CLTCL1: variants seen among roughly 807,000 people sequenced by gnomAD.
CLTCL1 encodes the protein clathrin heavy chain like 1.
CLTCL1 carries 159 observed loss-of-function variants against 190.0 expected under a neutral mutation model. The observed-to-expected ratio is 0.84, with a 90% CI of 0.74 to 0.95. The LOEUF is 0.95. CLTCL1 is among the 40% of genes least tolerant of loss of function. The pLI is 0.00. For synonymous variants in CLTCL1, 752 were observed against 769.6 expected, an observed-to-expected ratio of 0.98 and a Z score of 0.38; for missense variants, 1,878 against 2,033.4, an observed-to-expected ratio of 0.92 and a Z score of 1.47.
rs1045039240 is a variant in CLTCL1, at chr22:19,207,472, C to T, written c.3600+682G>A. ...GTATAGCCAAGAGCATGTCAAAATT[C>T]CATGGGTCTCAATTTCCATACCAAT... On this transcript the variant is annotated intron_variant, in intron 22 of 32. Transcript: ENST00000427926. 23 of 400,436 alleles carry T rather than the reference C, an allele frequency of 5.7e-5. No individual in the cohort carries two copies. The Admixed American group carries it at 9.9e-4, about 17-fold the overall frequency. 24.8% of individuals were successfully genotyped at this position (400,436 alleles called of 1,614,324 possible).
rs1555944977 is a variant in CLTCL1 at position 19,209,085 on chromosome 22, G to C, written c.3279C>G (p.Asp1093Glu). The C allele has an allele frequency of 6.2e-7, 1 of 1,607,196 alleles. No individual in the cohort carries two copies. Among genetic ancestry groups the C allele is most frequent in the Non-Finnish European group, 8.5e-7 (1 of 1,176,594 alleles). ...QVLIEHIGNL[D>E]RAYEFAERCN... ...ATCTCTCCGCAAACTCATATGCCCGGTCCAGGTTTCCAATGTGCTCGATCA... is the reference window on the plus strand; with the variant it reads ...ATCTCTCCGCAAACTCATATGCCCGCTCCAGGTTTCCAATGTGCTCGATCA... Residue 1093 changes from aspartate (D) to glutamate (E), a missense_variant, in exon 21 of 33, where the codon GAC becomes GAG. Coordinates refer to ENST00000427926, the MANE Select transcript of CLTCL1 (RefSeq NM_007098.4).
At chr22:19,196,887 T>G (rs2084727814) in intron 24 of CLTCL1, among the ~76,000 whole-genome samples, 1 of 152,146 alleles carries the variant, frequency 6.6e-6, no homozygotes, top group African/African-American at 2.4e-5. Flanking sequence ...ATTTTCAAGT[T>G]TAGTAAGTGC....
intron 3 of CLTCL1, among the ~76,000 whole-genome samples, chr22:19,246,486 T>C (rs1443675957): frequency 1.3e-5 from 2 of 151,832 alleles, no homozygotes; most frequent in Admixed American, 6.6e-5. Flanking sequence ...TTTTCTTTTC[T>C]TTTTTTTGAG....
chr22:19,234,843 A>T, intron 6 of CLTCL1, 137 bp from the exon 7 acceptor site: 1 of 789,068 alleles, frequency 1.3e-6, no homozygotes, highest in Non-Finnish European at 2.1e-6. Context: ...GGTGGCCCTC[A>T]CAGTGAAAGG....
At position 19,242,925 on chromosome 22, in the gene CLTCL1, C is replaced by T. The variant is rs1431474920; in HGVS notation, c.531G>A (p.Val177=). The change falls in exon 4 of 33, where the codon GTG becomes GTA. Residue 177 remains valine (V), a synonymous_variant. Coordinates refer to ENST00000427926, the MANE Select transcript of CLTCL1 (RefSeq NM_007098.4). The part of the protein sequence containing the change: ...LVGISAQQNR[V]VGAMQLYSVD... ...CAGAGTAGAGCTGCATTGCTCCAAC[C>T]ACACGGTTTTGCTAAGAAAAGATAT... 1.2e-6 allele frequency: 2 copies of T among 1,613,394 alleles called. No homozygotes were observed. The highest frequency in any genetic ancestry group is 1.7e-6 in the Non-Finnish European group (2 of 1,179,664).
intron 2 of CLTCL1, among the ~76,000 whole-genome samples, chr22:19,255,909 CAAAA>C (rs545204392): frequency 1.4e-5 from 1 of 72,544 alleles, no homozygotes; most frequent in Admixed American, 1.5e-4. Flanking sequence ...GACTCTGTCT[CAAAA>C]AAAAAAAAAA....
At chr22:19,211,790 C>A (rs117874143) in intron 19 of CLTCL1, among the ~76,000 whole-genome samples, 8,951 of 114,752 alleles carry the variant, frequency 0.078, 344 homozygotes, top group Middle Eastern at 0.21. Flanking sequence ...AAAACAAAAA[C>A]AAAACTGTCC....
chr22:19,189,185 G>A (rs1375151838), intron 27 of CLTCL1, among the ~76,000 whole-genome samples: 1 of 152,190 alleles, frequency 6.6e-6, no homozygotes, highest in Non-Finnish European at 1.5e-5. Context: ...TTACAGGCGT[G>A]AGCCACCGCG....
At chr22:19,268,270 G>A (rs1178609149) in intron 2 of CLTCL1, among the ~76,000 whole-genome samples, 1 of 152,138 alleles carries the variant, frequency 6.6e-6, no homozygotes, top group African/African-American at 2.4e-5. Flanking sequence ...CACACTATCT[G>A]GTAGCATCTT....
At chr22:19,190,775 CTTTT>C (rs545585516) in intron 27 of CLTCL1, among the ~76,000 whole-genome samples, 1 of 143,186 alleles carries the variant, frequency 7.0e-6, no homozygotes, top group South Asian at 2.3e-4. Flanking sequence ...AACCTCCAAT[CTTTT>C]TTTTTTTTTT....
chr22:19,236,205 A>C (rs2086077546), intron 5 of CLTCL1, among the ~76,000 whole-genome samples: 1 of 152,212 alleles, frequency 6.6e-6, no homozygotes, highest in Non-Finnish European at 1.5e-5. Context: ...TCTAAGTTGT[A>C]CTTGATTGAG....
At chr22:19,274,638 C>G (rs2087434167) in intron 2 of CLTCL1, among the ~76,000 whole-genome samples, 1 of 151,960 alleles carries the variant, frequency 6.6e-6, no homozygotes, top group South Asian at 2.1e-4. Flanking sequence ...CAAGTAGACA[C>G]TATTTCTGTA....
chr22:19,264,909 G>A (rs1327154050), intron 2 of CLTCL1, among the ~76,000 whole-genome samples: 4 of 151,856 alleles, frequency 2.6e-5, no homozygotes, highest in African/African-American at 4.8e-5. Context: ...CTCCTTCAGC[G>A]TCCCAAGTAG....
At chr22:19,237,562 G>T (rs980373382) in intron 5 of CLTCL1, among the ~76,000 whole-genome samples, 1 of 152,056 alleles carries the variant, frequency 6.6e-6, no homozygotes, top group Non-Finnish European at 1.5e-5. Flanking sequence ...ATTTATCCTC[G>T]GACTTTTAGA....
chr22:19,288,508 TAAG>T (rs1409411689), intron 1 of CLTCL1, among the ~76,000 whole-genome samples: 15 of 152,220 alleles, frequency 9.9e-5, no homozygotes, highest in Non-Finnish European at 2.9e-5. Context: ...CCTTGTGAGA[TAAG>T]AAGTATACCT....
chr22:19,212,668 G>GA (rs1396165152), intron 19 of CLTCL1, among the ~76,000 whole-genome samples: 11 of 150,040 alleles, frequency 7.3e-5, no homozygotes, highest in Non-Finnish European at 1.3e-4. Flanking sequence ...AGAAAGAAAA[G>GA]AAAGAAAGAA....
intron 1 of CLTCL1, among the ~76,000 whole-genome samples, chr22:19,276,490 A>T (rs1284075199): frequency 6.6e-6 from 1 of 152,110 alleles, no homozygotes; most frequent in Non-Finnish European, 1.5e-5. Context: ...TCCAAAGGCC[A>T]TCTTATACGC....
chr22:19,287,543 A>C (rs1555990843), intron 1 of CLTCL1, among the ~76,000 whole-genome samples: 1 of 152,196 alleles, frequency 6.6e-6, no homozygotes, highest in Non-Finnish European at 1.5e-5. Flanking sequence ...TCCCTGAAGG[A>C]CTTTAAGCAG....
At chr22:19,213,131 A>C (rs62223888) in intron 19 of CLTCL1, among the ~76,000 whole-genome samples, 1 of 152,218 alleles carries the variant, frequency 6.6e-6, no homozygotes, top group Non-Finnish European at 1.5e-5. Flanking sequence ...TCAACAAAAA[A>C]CCAAACAACC....
Sources: allele counts gnomAD v4.1 joint callset (sites outside exome capture counted in the v4.1 genomes callset), GRCh38; gene constraint gnomAD v4.1.1; transcripts MANE v1.5; gene names NCBI Gene and HGNC (gene_info 2026-07-23, HGNC 2026-07-21).